The following GSK3B variants were observed in gnomAD, a reference collection of about 807,000 sequenced individuals.
GSK3B encodes the protein glycogen synthase kinase 3 beta.
In GSK3B, 15 loss-of-function variants were observed where a neutral mutation model predicts 56.4. That is an observed-to-expected ratio of 0.27 (90% CI 0.18 to 0.41). The LOEUF (loss-of-function observed/expected upper bound fraction) is 0.41. Ranked by LOEUF, GSK3B falls within the 10% of genes least tolerant of loss-of-function variation. GSK3B has a pLI of 1.00. For missense variants in GSK3B, 300 were observed against 513.4 expected, an observed-to-expected ratio of 0.58 and a Z score of 4.02; for synonymous variants, 181 against 188.9, an observed-to-expected ratio of 0.96 and a Z score of 0.34.
chr3:120,025,573 T>C (rs1253150525), intron 1 of GSK3B, among the ~76,000 whole-genome samples: 3 of 152,144 alleles, frequency 2.0e-5, no homozygotes, highest in Non-Finnish European at 4.4e-5. Flanking sequence ...ATGCCACACA[T>C]GAATAGAAAA....
intron 1 of GSK3B, among the ~76,000 whole-genome samples, chr3:120,080,237 G>A (rs143875742): frequency 1.1e-3 from 172 of 152,106 alleles, no homozygotes; most frequent in Non-Finnish European, 2.1e-3. Flanking sequence ...GCTGCAGTGA[G>A]CCAAGATCAC....
Position 119,975,235 on chromosome 3 carries a change from T to A in GSK3B, c.282+26811A>T, listed in dbSNP as rs540643825. ...GCCGAGGCAGGTGGATCACCTGAGG[T>A]CAGGAGTTCGAGACCAGCCTGGCCA... On this transcript the variant is annotated intron_variant, in intron 2 of 10. Coordinates refer to ENST00000264235, the MANE Select transcript of GSK3B (RefSeq NM_001146156.2). Among the ~76,000 whole-genome samples the A allele has an allele frequency of 3.9e-5, 6 of 152,272 alleles. No individual in the cohort carries two copies. The South Asian group carries it at 1.2e-3, about 32-fold the overall frequency.
chr3:119,901,745 C>T (rs1407741059), intron 7 of GSK3B, among the ~76,000 whole-genome samples: 2 of 151,944 alleles, frequency 1.3e-5, no homozygotes, highest in African/African-American at 4.8e-5. Context: ...TATTTTGGTG[C>T]CCTCAGATAT....
chr3:120,053,015 A>G lies in GSK3B; in HGVS notation c.88+40332T>C, dbSNP rs531691951. ...CAGTCTAACTACAGAGCTCTACTAT[A>G]GAGCTCTACATTCTAAGTAAAACAG... On this transcript the variant is annotated intron_variant, in intron 1 of 10. Coordinates refer to ENST00000264235, the MANE Select transcript of GSK3B (RefSeq NM_001146156.2). Among the ~76,000 whole-genome samples, 5 of 152,298 alleles carry G rather than the reference A, an allele frequency of 3.3e-5. No individual in the cohort carries two copies. In the South Asian group the frequency reaches 1.0e-3, roughly 32 times the overall value.
At chr3:119,859,698 T>G (rs1275418554) in intron 9 of GSK3B, among the ~76,000 whole-genome samples, 2 of 152,224 alleles carry the variant, frequency 1.3e-5, no homozygotes, top group Non-Finnish European at 2.9e-5. Flanking sequence ...GTTCTTTTCT[T>G]TACTTGCTTT....
intron 1 of GSK3B, among the ~76,000 whole-genome samples, chr3:120,023,546 T>C (rs2057897371): frequency 6.6e-6 from 1 of 152,032 alleles, no homozygotes. Context: ...ATCAATAATA[T>C]CAACAAAAAG....
intron 1 of GSK3B, among the ~76,000 whole-genome samples, chr3:120,064,278 AGT>A (rs2058262221): frequency 6.6e-6 from 1 of 151,960 alleles, no homozygotes; most frequent in Non-Finnish European, 1.5e-5. Flanking sequence ...TATGAATCAC[AGT>A]GTGTTTTCCC....
At chr3:119,951,755 G>C (rs959238219) in intron 2 of GSK3B, among the ~76,000 whole-genome samples, 1 of 152,064 alleles carries the variant, frequency 6.6e-6, no homozygotes, top group African/African-American at 2.4e-5. Context: ...ATACAAAGCA[G>C]CTATTATAAT....
chr3:120,076,537 T>G (rs144880072), intron 1 of GSK3B, among the ~76,000 whole-genome samples: 3,941 of 152,136 alleles, frequency 0.026, 176 homozygotes, highest in African/African-American at 0.089. Flanking sequence ...AATGGGCGGC[T>G]GGGCGCGGTG....
chr3:120,018,301 C>T (rs189697090), intron 1 of GSK3B, among the ~76,000 whole-genome samples: 42 of 152,284 alleles, frequency 2.8e-4, no homozygotes, highest in Admixed American at 1.9e-3. Flanking sequence ...ATTAAAAGTA[C>T]AGTATTCACA....
At chr3:119,941,284 C>A (rs2057046507) in intron 3 of GSK3B, among the ~76,000 whole-genome samples, 1 of 152,174 alleles carries the variant, frequency 6.6e-6, no homozygotes, top group African/African-American at 2.4e-5. Flanking sequence ...CTCAAAAGTG[C>A]TGGGATTACA....
chr3:119,869,980 AATT>A (rs2056231732), intron 8 of GSK3B, among the ~76,000 whole-genome samples: 1 of 152,318 alleles, frequency 6.6e-6, no homozygotes, highest in Admixed American at 6.5e-5. Flanking sequence ...TTCACAAAAC[AATT>A]ATTACAGTCA....
intron 8 of GSK3B, among the ~76,000 whole-genome samples, chr3:119,869,630 A>C (rs2056228060): frequency 6.6e-6 from 1 of 152,262 alleles, no homozygotes; most frequent in African/African-American, 2.4e-5. Flanking sequence ...TACTATAGGT[A>C]AGAAAAGTTA....
Position 120,089,066 on chromosome 3 carries a change from A to G in GSK3B, c.88+4281T>C, listed in dbSNP as rs545963141. Among the ~76,000 whole-genome samples the G allele has an allele frequency of 7.2e-5, 11 of 152,318 alleles. No homozygotes were observed. The East Asian group carries it at 1.9e-3, about 27-fold the overall frequency. Reference sequence around the variant, plus strand: ...TCCAAAATATTATCTCACACCTGCAACTCAATTCTAATATAAGGGCTACAC... The same window carrying G: ...TCCAAAATATTATCTCACACCTGCAGCTCAATTCTAATATAAGGGCTACAC... On this transcript the variant is annotated intron_variant, in intron 1 of 10. Transcript: ENST00000264235.
At chr3:119,968,131 G>T (rs2057336443) in intron 2 of GSK3B, among the ~76,000 whole-genome samples, 1 of 152,114 alleles carries the variant, frequency 6.6e-6, no homozygotes, top group South Asian at 2.1e-4. Flanking sequence ...CTGGATTACA[G>T]GCGTGAGCCA....
At chr3:119,901,314 A>G (rs1174272762) in intron 7 of GSK3B, among the ~76,000 whole-genome samples, 3 of 152,176 alleles carry the variant, frequency 2.0e-5, no homozygotes, top group Non-Finnish European at 4.4e-5. Flanking sequence ...AGCATTTTTG[A>G]TATGTAGAGG....
chr3:119,894,072 C>T (rs898550724), intron 7 of GSK3B, among the ~76,000 whole-genome samples: 8 of 152,036 alleles, frequency 5.3e-5, no homozygotes, highest in African/African-American at 1.9e-4. Context: ...AACCACTAAT[C>T]TTTTTGTCTC....
At chr3:119,851,532 G>A (rs1268003811) in intron 9 of GSK3B, among the ~76,000 whole-genome samples, 1 of 152,170 alleles carries the variant, frequency 6.6e-6, no homozygotes, top group Non-Finnish European at 1.5e-5. Flanking sequence ...ACAAATTTGA[G>A]AGCAGCAATC....
intron 2 of GSK3B, among the ~76,000 whole-genome samples, chr3:119,998,905 T>G (rs2107477674): frequency 6.6e-6 from 1 of 152,346 alleles, no homozygotes; most frequent in East Asian, 1.9e-4. Flanking sequence ...TGGGCATTAC[T>G]CATATTCAAA....
Sources: allele counts gnomAD v4.1 joint callset (sites outside exome capture counted in the v4.1 genomes callset), GRCh38; gene constraint gnomAD v4.1.1; transcripts MANE v1.5; gene names NCBI Gene and HGNC (gene_info 2026-07-23, HGNC 2026-07-21).